Variants in ABCA1 observed in about 807,000 individuals in gnomAD.
The protein encoded by ABCA1 is phospholipid-transporting ATPase ABCA1.
ABCA1 carries 133 observed loss-of-function variants against 262.5 expected under a neutral mutation model. The observed-to-expected ratio is 0.51, with a 90% confidence interval of 0.44 to 0.59. The LOEUF (loss-of-function observed/expected upper bound fraction) is 0.59, where lower values mean the gene tolerates loss of function less well. Ranked by LOEUF, ABCA1 falls within the 20% of genes least tolerant of loss-of-function variation. The probability of loss-of-function intolerance (pLI) is 0.00; values close to 1 mark genes in which losing one functional copy is unlikely to be tolerated. For missense variants in ABCA1, 2,452 were observed against 2,777.5 expected (o/e 0.88, Z 2.63); for synonymous variants, 1,022 against 1,043.5 (o/e 0.98, Z 0.40).
At chr9:104,844,474 A>G (rs1261326425) in intron 8 of ABCA1, among the ~76,000 whole-genome samples, 2 of 152,162 alleles carry the variant, frequency 1.3e-5, no homozygotes, top group Non-Finnish European at 2.9e-5. Flanking sequence ...TAACGTATCA[A>G]TAGTGTTTGA....
At chr9:104,875,216 G>A (rs935176559) in intron 5 of ABCA1, among the ~76,000 whole-genome samples, 16 of 151,904 alleles carry the variant, frequency 1.1e-4, no homozygotes, top group South Asian at 6.3e-4. Context: ...TGTGGCATGC[G>A]CCTGTAATCC....
chr9:104,917,389 T>C (rs575673014), intron 1 of ABCA1, among the ~76,000 whole-genome samples: 18 of 152,352 alleles, frequency 1.2e-4, no homozygotes, highest in Admixed American at 6.5e-4. Flanking sequence ...GTATTAAACA[T>C]TGAACCACAT....
intron 1 of ABCA1, among the ~76,000 whole-genome samples, chr9:104,923,631 T>C (rs1365408076): frequency 6.6e-6 from 1 of 152,244 alleles, no homozygotes; most frequent in Non-Finnish European, 1.5e-5. Context: ...GAACTCTGGC[T>C]GGGTTCAAGT....
At chr9:104,899,623 G>A (rs1564275719) in intron 2 of ABCA1, among the ~76,000 whole-genome samples, 1 of 152,078 alleles carries the variant, frequency 6.6e-6, no homozygotes, top group Non-Finnish European at 1.5e-5. Flanking sequence ...GATCCCGGGA[G>A]GCAGAGGTTG....
At chr9:104,885,041 C>T (rs969374679) in intron 3 of ABCA1, among the ~76,000 whole-genome samples, 1 of 152,070 alleles carries the variant, frequency 6.6e-6, no homozygotes, top group Non-Finnish European at 1.5e-5. Flanking sequence ...TTCAAGACCA[C>T]CCTGGCCAAC....
intron 11 of ABCA1, among the ~76,000 whole-genome samples, chr9:104,835,369 T>A (rs1221593525): frequency 6.6e-6 from 1 of 151,898 alleles, no homozygotes; most frequent in African/African-American, 2.4e-5. Context: ...ACCACCCTCC[T>A]CCACTGCAGA....
At chr9:104,855,616 C>A (rs1310076358) in intron 7 of ABCA1, 29 of 1,422,858 alleles carry the variant, frequency 2.0e-5, no homozygotes, top group Non-Finnish European at 2.0e-5. Flanking sequence ...AGGCCCCACA[C>A]CAGGCTCTTC....
intron 1 of ABCA1, among the ~76,000 whole-genome samples, chr9:104,917,950 A>G (rs1841939843): frequency 6.6e-6 from 1 of 152,208 alleles, no homozygotes; most frequent in Non-Finnish European, 1.5e-5. Context: ...CCTTTCATTT[A>G]TGATAACTCA....
At chr9:104,810,701 T>C in intron 29 of ABCA1, 99 bp downstream of exon 29, 2 of 1,587,020 alleles carry the variant, frequency 1.3e-6, no homozygotes, top group Non-Finnish European at 1.7e-6. Context: ...GTAAAATTCA[T>C]TCCACCGTGT....
At chr9:104,839,391 G>A (rs921499333) in intron 9 of ABCA1, among the ~76,000 whole-genome samples, 1 of 152,164 alleles carries the variant, frequency 6.6e-6, no homozygotes, top group African/African-American at 2.4e-5. Flanking sequence ...TCTAACCAAG[G>A]CACTTAACCT....
chr9:104,814,351 G>A, intron 26 of ABCA1, 76 bp downstream of exon 26: 3 of 1,573,700 alleles, frequency 1.9e-6, no homozygotes, highest in South Asian at 2.2e-5. Context: ...CAAAGGGAAA[G>A]GAACAATACT....
chr9:104,834,886 G>A (rs1051463549), intron 11 of ABCA1, among the ~76,000 whole-genome samples: 4 of 152,172 alleles, frequency 2.6e-5, no homozygotes, highest in Non-Finnish European at 5.9e-5. Context: ...CCATCACCTC[G>A]TGTAGGAGAT....
chr9:104,870,327 C>A (rs779535458), intron 5 of ABCA1, among the ~76,000 whole-genome samples: 5 of 152,218 alleles, frequency 3.3e-5, no homozygotes, highest in Non-Finnish European at 5.9e-5. Flanking sequence ...AAAAGAGGCG[C>A]TGTGTAACAA....
At chr9:104,882,389 C>G (rs1838762823) in intron 5 of ABCA1, among the ~76,000 whole-genome samples, 1 of 152,266 alleles carries the variant, frequency 6.6e-6, no homozygotes, top group Admixed American at 6.5e-5. Context: ...CCACCAGCCT[C>G]TGTCCCCTTG....
At chr9:104,886,305 G>T (rs1588507273) in intron 3 of ABCA1, among the ~76,000 whole-genome samples, 3 of 152,282 alleles carry the variant, frequency 2.0e-5, no homozygotes, top group Admixed American at 6.5e-5. Context: ...AGGACTTGCT[G>T]CACTTTGCAT....
At position 104,903,731 on chromosome 9, in the gene ABCA1, C is replaced by T. The variant is rs1341484785; in HGVS notation, c.-52G>A. 7.2e-6 allele frequency: 11 copies of T among 1,531,058 alleles called. No homozygotes were observed. The highest frequency in any genetic ancestry group is 2.7e-5 in the African/African-American group (2 of 72,896). The allele number at this position is 1,531,058 out of a possible 1,614,324, so 94.8% of individuals were successfully genotyped here. A position where few individuals can be genotyped will look rare whatever the true frequency, so the allele number is the denominator to read the frequency against. On this transcript the variant is annotated 5_prime_UTR_variant, in exon 2 of 50. Transcript: ENST00000374736. ...GTGGCTCGGGAGCCCTGGAAGGCAG[C>T]GGCCAGAGCTCACAGCAGGGACGCC... is the stretch of plus-strand genomic sequence containing the variant.
At chr9:104,863,881 C>A (rs567803868) in intron 5 of ABCA1, among the ~76,000 whole-genome samples, 36 of 152,320 alleles carry the variant, frequency 2.4e-4, no homozygotes, top group Admixed American at 2.2e-3. Flanking sequence ...AACCTCAGAG[C>A]ACCTAAGCTT....
intron 1 of ABCA1, among the ~76,000 whole-genome samples, chr9:104,923,465 A>C (rs1180918737): frequency 6.6e-6 from 1 of 152,212 alleles, no homozygotes; most frequent in African/African-American, 2.4e-5. Context: ...TTTCAAGTTA[A>C]AGAGAATTTG....
At chr9:104,810,647 C>T (rs1831196610) in intron 29 of ABCA1, among the ~76,000 whole-genome samples, 153 bp downstream of exon 29, 1 of 152,162 alleles carries the variant, frequency 6.6e-6, no homozygotes, top group African/African-American at 2.4e-5. Context: ...CGCTGCTGTT[C>T]TATGCATGCA....
Sources: allele counts gnomAD v4.1 joint callset (sites outside exome capture counted in the v4.1 genomes callset), GRCh38; gene constraint gnomAD v4.1.1; transcripts MANE v1.5; gene names NCBI Gene and HGNC (gene_info 2026-07-23, HGNC 2026-07-21).